NCKAP5: variants seen among roughly 807,000 people sequenced by gnomAD.
NCKAP5 encodes the protein NCK associated protein 5.
A neutral mutation model predicts 167.0 loss-of-function variants in NCKAP5; 92 were observed. That is an observed-to-expected ratio of 0.55 (90% CI 0.47 to 0.66). NCKAP5 has a LOEUF of 0.66. NCKAP5 is among the 30% of genes least tolerant of loss of function. The pLI is 0.00. For synonymous variants in NCKAP5, 891 were observed against 877.4 expected, an observed-to-expected ratio of 1.02 and a Z score of -0.27; for missense variants, 2,378 against 2,315.0, an observed-to-expected ratio of 1.03 and a Z score of -0.56.
At chr2:133,363,047 T>G (rs1262841469) in intron 3 of NCKAP5, among the ~76,000 whole-genome samples, 2 of 152,088 alleles carry the variant, frequency 1.3e-5, no homozygotes, top group Non-Finnish European at 2.9e-5. Flanking sequence ...ATTACAGGCG[T>G]GAGCCACCGT....
At chr2:133,342,203 T>C (rs1341434965) in intron 3 of NCKAP5, among the ~76,000 whole-genome samples, 1 of 151,948 alleles carries the variant, frequency 6.6e-6, no homozygotes, top group Admixed American at 6.6e-5. Flanking sequence ...CCTCCCAAAG[T>C]GGGATCTAAA....
chr2:132,688,363 T>G (rs1686237696), intron 19 of NCKAP5, among the ~76,000 whole-genome samples: 1 of 152,164 alleles, frequency 6.6e-6, no homozygotes, highest in South Asian at 2.1e-4. Context: ...CTGTGCCCCA[T>G]TTGAATAATA....
chr2:133,536,484 C>A (rs187214520), intron 2 of NCKAP5, among the ~76,000 whole-genome samples: 8 of 152,100 alleles, frequency 5.3e-5, no homozygotes, highest in Admixed American at 1.3e-4. Flanking sequence ...GTATTTTCTT[C>A]CATTAATCTA....
intron 16 of NCKAP5, among the ~76,000 whole-genome samples, chr2:132,768,939 CTTTTTTT>C (rs1226877275): frequency 8.6e-6 from 1 of 116,304 alleles, no homozygotes; most frequent in Admixed American, 9.2e-5. Context: ...ACACCTGGCC[CTTTTTTT>C]TTTTTTTTTT....
At chr2:133,316,886 G>C (rs1453270589) in intron 3 of NCKAP5, among the ~76,000 whole-genome samples, 1 of 152,092 alleles carries the variant, frequency 6.6e-6, no homozygotes, top group Non-Finnish European at 1.5e-5. Context: ...GACTTGTCTT[G>C]GTGAAAAGAA....
intron 8 of NCKAP5, among the ~76,000 whole-genome samples, chr2:132,950,890 C>T (rs185565285): frequency 6.6e-6 from 1 of 151,132 alleles, no homozygotes; most frequent in Non-Finnish European, 1.5e-5. Flanking sequence ...AAGCAAAAAA[C>T]AAAACAAAGC....
At chr2:133,133,080 C>A (rs188408748) in intron 5 of NCKAP5, among the ~76,000 whole-genome samples, 3 of 152,240 alleles carry the variant, frequency 2.0e-5, no homozygotes, top group Non-Finnish European at 2.9e-5. Flanking sequence ...ATTGATCTAT[C>A]CCCAAAGTAA....
At chr2:133,111,155 T>C (rs2081897105) in intron 6 of NCKAP5, among the ~76,000 whole-genome samples, 1 of 152,114 alleles carries the variant, frequency 6.6e-6, no homozygotes, top group African/African-American at 2.4e-5. Flanking sequence ...ATTCCATCCA[T>C]AACACACACC....
At chr2:132,935,926 C>T (rs1696808927) in intron 8 of NCKAP5, among the ~76,000 whole-genome samples, 1 of 151,798 alleles carries the variant, frequency 6.6e-6, no homozygotes, top group Non-Finnish European at 1.5e-5. Flanking sequence ...TGCCGTTAAT[C>T]AGGAATGATA....
intron 4 of NCKAP5, among the ~76,000 whole-genome samples, chr2:133,273,348 A>C (rs2089596388): frequency 6.6e-6 from 1 of 152,090 alleles, no homozygotes; most frequent in African/African-American, 2.4e-5. Context: ...TCTTTGGAGA[A>C]ATTTCTTTTC....
intron 11 of NCKAP5, among the ~76,000 whole-genome samples, chr2:132,850,045 G>T (rs1043654452): frequency 1.3e-5 from 2 of 152,300 alleles, no homozygotes; most frequent in African/African-American, 4.8e-5. Context: ...TAACCAGGGA[G>T]GGGGGTAGAT....
chr2:132,833,909 T>A (rs1687699263), intron 11 of NCKAP5, among the ~76,000 whole-genome samples: 2 of 152,160 alleles, frequency 1.3e-5, no homozygotes, highest in South Asian at 4.1e-4. Flanking sequence ...GACATTGGCA[T>A]TTTGATAGGG....
In NCKAP5 at chr2:133,006,191, C is replaced by T. The variant is rs1023388081; in HGVS notation, c.342-11952G>A. Among the ~76,000 whole-genome samples, 6 of 151,894 alleles carry T rather than the reference C, an allele frequency of 4.0e-5. No individual in the cohort carries two copies. The East Asian group carries it at 7.7e-4, about 20-fold the overall frequency. On this transcript the variant is annotated intron_variant, in intron 6 of 19. Transcript: ENST00000409261. ...GGAGGATTGCTTGGACTCAGGAGGT[C>T]GAGGTTGCAGTGAGCCGAGATTACA...
At chr2:133,366,646 T>G (rs1327165874) in intron 3 of NCKAP5, among the ~76,000 whole-genome samples, 1 of 152,322 alleles carries the variant, frequency 6.6e-6, no homozygotes, top group East Asian at 1.9e-4. Flanking sequence ...AATAAATATG[T>G]TTGGGTAAAA....
chr2:133,308,999 C>A (rs947610936), intron 3 of NCKAP5, among the ~76,000 whole-genome samples: 11 of 151,606 alleles, frequency 7.3e-5, no homozygotes, highest in African/African-American at 2.2e-4. Context: ...CGTGAGCCAC[C>A]GCGCCCGGCC....
intron 19 of NCKAP5, among the ~76,000 whole-genome samples, chr2:132,697,437 G>C (rs1687449079): frequency 6.6e-6 from 1 of 152,182 alleles, no homozygotes; most frequent in African/African-American, 2.4e-5. Flanking sequence ...TCTCAAAGGG[G>C]ATGTCATATT....
At chr2:133,058,063 A>C (rs924656038) in intron 6 of NCKAP5, among the ~76,000 whole-genome samples, 1 of 152,232 alleles carries the variant, frequency 6.6e-6, no homozygotes, top group Non-Finnish European at 1.5e-5. Context: ...GGATAATGGC[A>C]CATCTGTTTC....
Position 133,171,876 on chromosome 2 carries a change from T to A in NCKAP5, c.208-41765A>T, listed in dbSNP as rs147701235. Among the ~76,000 whole-genome samples, 13 of 152,284 alleles carry A rather than the reference T, an allele frequency of 8.5e-5. No homozygotes were observed. The East Asian group carries it at 2.3e-3, about 27-fold the overall frequency. On this transcript the variant is annotated intron_variant, in intron 5 of 19. Transcript: ENST00000409261. ...TAAGCCCTTCCTATAAATATATACA[T>A]GGATATAGGGAATGGAGAACTAATG...
chr2:133,364,495 G>A (rs1024782198), intron 3 of NCKAP5, among the ~76,000 whole-genome samples: 1 of 152,154 alleles, frequency 6.6e-6, no homozygotes, highest in African/African-American at 2.4e-5. Flanking sequence ...TGACACAATG[G>A]TGAGAACCAT....
Sources: gnomAD v4.1 joint callset for allele counts (sites outside exome capture counted in the v4.1 genomes callset) on GRCh38, gnomAD v4.1.1 for gene constraint, MANE v1.5 for transcripts, NCBI Gene and HGNC (gene_info 2026-07-23, HGNC 2026-07-21) for gene names.